The following CAAP1 variants were observed in gnomAD, a reference collection of about 807,000 sequenced individuals.
CAAP1 encodes the protein caspase activity and apoptosis inhibitor 1, also known as conserved anti-apoptotic protein.
Under a neutral mutation model 34.0 loss-of-function variants are expected in CAAP1, and 20 were observed. That is an observed-to-expected ratio of 0.59 (90% CI 0.41 to 0.86). The LOEUF (loss-of-function observed/expected upper bound fraction) is 0.86, where lower values mean the gene tolerates loss of function less well. CAAP1 is among the 40% of genes least tolerant of loss of function. CAAP1 has a pLI of 0.00. For missense variants in CAAP1, 538 were observed against 450.5 expected, an observed-to-expected ratio of 1.19 and a Z score of -1.76; for synonymous variants, 213 against 166.7, an observed-to-expected ratio of 1.28 and a Z score of -2.14.
chr9:26,874,567 T>C (rs1823375735), intron 4 of CAAP1, among the ~76,000 whole-genome samples: 1 of 152,180 alleles, frequency 6.6e-6, no homozygotes, highest in Non-Finnish European at 1.5e-5. Context: ...CACCTTTCTA[T>C]TAATTACCTC....
intron 4 of CAAP1, among the ~76,000 whole-genome samples, chr9:26,866,935 A>C (rs942436043): frequency 6.6e-6 from 1 of 152,112 alleles, no homozygotes; most frequent in African/African-American, 2.4e-5. Context: ...GATCGGTACC[A>C]ATCTGTGGCC....
At chr9:26,860,793 A>G (rs1452340405) in intron 5 of CAAP1, among the ~76,000 whole-genome samples, 1 of 152,086 alleles carries the variant, frequency 6.6e-6, no homozygotes, top group Non-Finnish European at 1.5e-5. Context: ...TCTGTCTCAA[A>G]ATAAATAAAT....
intron 5 of CAAP1, among the ~76,000 whole-genome samples, chr9:26,847,619 G>T (rs566032532): frequency 3.9e-5 from 6 of 151,986 alleles, no homozygotes; most frequent in Non-Finnish European, 8.8e-5. Flanking sequence ...TGAAATATCT[G>T]ACTTGTTTCT....
intron 4 of CAAP1, among the ~76,000 whole-genome samples, chr9:26,863,827 C>T (rs1440876122): frequency 6.7e-6 from 1 of 150,146 alleles, no homozygotes; most frequent in East Asian, 2.0e-4. Flanking sequence ...AGGTTGTTGT[C>T]CCGTCTTCCA....
At chr9:26,866,456 G>A (rs1331351102) in intron 4 of CAAP1, among the ~76,000 whole-genome samples, 1 of 152,066 alleles carries the variant, frequency 6.6e-6, no homozygotes, top group Non-Finnish European at 1.5e-5. Context: ...GAAAGAATAA[G>A]GAATGGCAAA....
intron 5 of CAAP1, among the ~76,000 whole-genome samples, chr9:26,849,153 T>C (rs969758568): frequency 7.9e-5 from 12 of 152,290 alleles, no homozygotes; most frequent in Middle Eastern, 3.4e-3. Flanking sequence ...CAAAGGTACA[T>C]TGGTGAGTAG....
chr9:26,863,843 C>A (rs1339158398), intron 4 of CAAP1, among the ~76,000 whole-genome samples: 1 of 150,170 alleles, frequency 6.7e-6, no homozygotes, highest in Admixed American at 6.7e-5. Flanking sequence ...TTCCAGGAGG[C>A]TGGAGTGCAG....
chr9:26,873,080 T>C (rs1331475241), intron 4 of CAAP1, among the ~76,000 whole-genome samples: 2 of 152,026 alleles, frequency 1.3e-5, no homozygotes, highest in African/African-American at 2.4e-5. Context: ...GGGCAACACA[T>C]GGTCTCTACA....
At chr9:26,845,001 TCTGA>T (rs1261951022) in intron 5 of CAAP1, among the ~76,000 whole-genome samples, 1 of 152,256 alleles carries the variant, frequency 6.6e-6, no homozygotes, top group Non-Finnish European at 1.5e-5. Flanking sequence ...TTTCTTGCTT[TCTGA>T]CTTATTCTGT....
intron 4 of CAAP1, among the ~76,000 whole-genome samples, chr9:26,864,170 G>A (rs1823072838): frequency 6.6e-6 from 1 of 152,066 alleles, no homozygotes. Context: ...ACTTATGACT[G>A]AGATTTAAGT....
At chr9:26,883,507 C>A (rs1823652389) in intron 4 of CAAP1, among the ~76,000 whole-genome samples, 1 of 152,142 alleles carries the variant, frequency 6.6e-6, no homozygotes, top group African/African-American at 2.4e-5. Flanking sequence ...CAGACTAATA[C>A]ATCATTAAAT....
chr9:26,850,495 G>C (rs62544401), intron 5 of CAAP1, among the ~76,000 whole-genome samples: 1 of 152,128 alleles, frequency 6.6e-6, no homozygotes, highest in Non-Finnish European at 1.5e-5. Context: ...CCAAAAACAA[G>C]AGTAAATTAT....
chr9:26,885,024 G>T (rs2131339796), intron 3 of CAAP1, 139 bp from the exon 4 acceptor site: 55 of 492,144 alleles, frequency 1.1e-4, no homozygotes, highest in South Asian at 4.1e-4. Flanking sequence ...ATTTTTAATT[G>T]CTTGTATTTA....
intron 5 of CAAP1, among the ~76,000 whole-genome samples, chr9:26,858,289 C>T (rs575411169): frequency 1.6e-4 from 25 of 152,252 alleles, no homozygotes; most frequent in African/African-American, 5.8e-4. Flanking sequence ...ACTTAGAAAA[C>T]AGGGAATAAT....
intron 5 of CAAP1, among the ~76,000 whole-genome samples, chr9:26,844,961 AT>A (rs1416284236): frequency 6.6e-6 from 1 of 152,014 alleles, no homozygotes; most frequent in Non-Finnish European, 1.5e-5. Flanking sequence ...TATCCAGATT[AT>A]TTCTTTATTT....
intron 4 of CAAP1, among the ~76,000 whole-genome samples, chr9:26,868,796 G>C (rs1447828078): frequency 6.6e-6 from 1 of 152,074 alleles, no homozygotes; most frequent in Non-Finnish European, 1.5e-5. Flanking sequence ...GCAAACAAGA[G>C]ACAATAGGAA....
At chr9:26,860,929 C>T (rs918198649) in intron 5 of CAAP1, 137 bp downstream of exon 5, 2 of 658,366 alleles carry the variant, frequency 3.0e-6, no homozygotes, top group South Asian at 1.8e-5. Context: ...CATGAAGTGA[C>T]TGATTTTTGA....
At chr9:26,883,550 C>A (rs1823653551) in intron 4 of CAAP1, among the ~76,000 whole-genome samples, 1 of 152,048 alleles carries the variant, frequency 6.6e-6, no homozygotes, top group African/African-American at 2.4e-5. Flanking sequence ...AACACTAATG[C>A]TCAAGTATGA....
intron 4 of CAAP1, chr9:26,869,813 A>C: frequency 3.1e-6 from 1 of 319,598 alleles, no homozygotes; most frequent in East Asian, 1.7e-4. Context: ...ACATTAGTGA[A>C]TTTATTTTTC....
Sources: gnomAD v4.1 joint callset for allele counts (sites outside exome capture counted in the v4.1 genomes callset) on GRCh38, gnomAD v4.1.1 for gene constraint, MANE v1.5 for transcripts, NCBI Gene and HGNC (gene_info 2026-07-23, HGNC 2026-07-21) for gene names.